Variants in CREB1 observed in about 807,000 individuals in gnomAD.
CREB1 encodes cyclic AMP-responsive element-binding protein 1.
Under a neutral mutation model 42.0 loss-of-function variants are expected in CREB1, and 2 were observed. That is an observed-to-expected ratio of 0.05 (90% CI 0.02 to 0.15). The LOEUF (loss-of-function observed/expected upper bound fraction) is 0.15, where lower values mean the gene tolerates loss of function less well. CREB1 is among the 10% of genes least tolerant of loss of function. The pLI, the probability that CREB1 is intolerant of heterozygous loss-of-function variation, is 1.00. For missense variants in CREB1, 199 were observed against 388.9 expected (o/e 0.51, Z 4.11); for synonymous variants, 123 against 139.9 (o/e 0.88, Z 0.85).
intron 3 of CREB1, among the ~76,000 whole-genome samples, chr2:207,563,420 A>T (rs2082025504): frequency 6.6e-6 from 1 of 152,232 alleles, no homozygotes; most frequent in Non-Finnish European, 1.5e-5. Flanking sequence ...TCCTATTAAC[A>T]TGGAATAAAC....
intron 1 of CREB1, among the ~76,000 whole-genome samples, chr2:207,548,246 A>T (rs148792584): frequency 1.3e-5 from 2 of 152,236 alleles, no homozygotes; most frequent in African/African-American, 4.8e-5. Flanking sequence ...TTTCTAACAC[A>T]CTTCTGTTAA....
intron 2 of CREB1, chr2:207,559,161 C>A: frequency 5.3e-6 from 1 of 189,570 alleles, no homozygotes; most frequent in Non-Finnish European, 9.8e-6. Context: ...ACCATTGGTG[C>A]TGAGCTGCTG....
intron 7 of CREB1, chr2:207,581,351 C>T: frequency 5.0e-6 from 1 of 199,392 alleles, no homozygotes; most frequent in Middle Eastern, 1.7e-3. Context: ...TACAACTAGC[C>T]ATTAAGAGTA....
intron 1 of CREB1, among the ~76,000 whole-genome samples, chr2:207,548,498 C>T (rs1247959325): frequency 1.3e-5 from 2 of 152,098 alleles, no homozygotes; most frequent in African/African-American, 4.8e-5. Context: ...CACCTGTAAT[C>T]CCAGCACTTT....
At chr2:207,544,743 G>A (rs1196446221) in intron 1 of CREB1, among the ~76,000 whole-genome samples, 1 of 151,908 alleles carries the variant, frequency 6.6e-6, no homozygotes, top group African/African-American at 2.4e-5. Context: ...AGGCCCCAGT[G>A]TGTGTTGTCC....
chr2:207,538,956 A>C (rs1249284611), intron 1 of CREB1, among the ~76,000 whole-genome samples: 1 of 152,172 alleles, frequency 6.6e-6, no homozygotes, highest in Non-Finnish European at 1.5e-5. Context: ...TGTTGGTATA[A>C]GTAAGTAGTT....
chr2:207,604,518 A>G lies in CREB1; in HGVS notation c.*7460A>G, dbSNP rs1321485518. On this transcript the variant is annotated 3_prime_UTR_variant, in exon 8 of 8. Transcript: ENST00000353267. ...TTCTTAAGTGCAGTGACCAAACCGG[A>G]TGAGAATTCTAACACGGGCCTGACA... Among the ~76,000 whole-genome samples the G allele has an allele frequency of 1.3e-5, 2 of 152,176 alleles. No homozygotes were observed. Among genetic ancestry groups the G allele is most frequent in the African/African-American group, 4.8e-5 (2 of 41,444 alleles).
chr2:207,561,198 TAGAA>T (rs771338448), intron 3 of CREB1: 14 of 1,534,226 alleles, frequency 9.1e-6, no homozygotes, highest in Non-Finnish European at 1.1e-5. Flanking sequence ...GAACTATTAT[TAGAA>T]AGGAAGGTGA....
At chr2:207,552,641 T>C (rs1339580304) in intron 1 of CREB1, among the ~76,000 whole-genome samples, 1 of 150,832 alleles carries the variant, frequency 6.6e-6, no homozygotes, top group Non-Finnish European at 1.5e-5. Flanking sequence ...AGTCTTGCTC[T>C]GTCACCCAGG....
chr2:207,575,397 G>A lies in CREB1; in HGVS notation c.631G>A (p.Ala211Thr). 6.2e-7 allele frequency: 1 copy of A among 1,613,960 alleles called. No individual in the cohort carries two copies. Among genetic ancestry groups the A allele is most frequent in the East Asian group, 2.2e-5 (1 of 44,882 alleles). Residue 211 changes from alanine (A) to threonine (T), a missense_variant, in exon 6 of 8, where the codon GCA (alanine) becomes ACA (threonine). By Grantham distance (58) the Ala-to-Thr change is moderately conservative. Around this residue, in one of 4 missense-constraint regions of CREB1, gnomAD observed 66 missense variants for 88.1 expected, o/e 0.75. Transcript: ENST00000353267. ...TQPGTTILQY[A>T]QTTDGQQILV... is the part of the protein sequence containing the mutation. ...GCCGGGTACTACCATTCTACAGTAT[G>A]CACAGACCACTGATGGACAGCAGAT...
intron 5 of CREB1, among the ~76,000 whole-genome samples, chr2:207,572,869 C>G (rs2082426566): frequency 6.6e-6 from 1 of 152,040 alleles, no homozygotes; most frequent in African/African-American, 2.4e-5. Flanking sequence ...CGCAAGTACC[C>G]TTCCAGGTGG....
chr2:207,594,766 T>C (rs2085778041), intron 7 of CREB1, among the ~76,000 whole-genome samples: 1 of 152,076 alleles, frequency 6.6e-6, no homozygotes, highest in Non-Finnish European at 1.5e-5. Flanking sequence ...TATGGTAAAT[T>C]TTGTTCTTAA....
In CREB1 at chr2:207,605,967, T is replaced by A. The variant is rs2088025222; in HGVS notation, c.*8909T>A. Among the ~76,000 whole-genome samples the A allele has an allele frequency of 1.3e-5, 2 of 152,350 alleles. No homozygotes were observed. The highest frequency in any genetic ancestry group is 4.1e-4 in the South Asian group (2 of 4,834). On this transcript the variant is annotated 3_prime_UTR_variant, in exon 8 of 8. Coordinates refer to ENST00000353267, the MANE Select transcript of CREB1 (RefSeq NM_004379.5). ...ACAGTCTAGGCATTTTTTTCTGGAA[T>A]TAAAATTAGAAGTGGCACAGACTTT...
intron 7 of CREB1, among the ~76,000 whole-genome samples, chr2:207,592,552 C>A (rs943004770): frequency 2.0e-5 from 3 of 152,082 alleles, no homozygotes; most frequent in East Asian, 3.8e-4. Flanking sequence ...CCCTCTCTTC[C>A]CTCCTTCCTC....
At chr2:207,533,530 T>A (rs748177060) in intron 1 of CREB1, among the ~76,000 whole-genome samples, 14 of 152,236 alleles carry the variant, frequency 9.2e-5, no homozygotes, top group Non-Finnish European at 1.8e-4. Context: ...TATAATTTCA[T>A]TTATTCCATA....
At position 207,602,273 on chromosome 2, in the gene CREB1, G is replaced by A. The variant is rs1404089195; in HGVS notation, c.*5215G>A. On this transcript the variant is annotated 3_prime_UTR_variant, in exon 8 of 8. Coordinates refer to ENST00000353267, the MANE Select transcript of CREB1 (RefSeq NM_004379.5). ...TATATAAATAAAATAGAACAAAGCCGGTGATGCAAGTTGATATTATAAACA... is the reference window on the plus strand; with the variant it reads ...TATATAAATAAAATAGAACAAAGCCAGTGATGCAAGTTGATATTATAAACA... 5.8e-5 allele frequency: 11 copies of A among 189,698 alleles called. No individual in the cohort carries two copies. Among genetic ancestry groups the A allele is most frequent in the Middle Eastern group, 1.9e-3 (1 of 528 alleles). The allele number at this position is 189,698 out of a possible 1,614,324, so 11.8% of individuals were successfully genotyped here.
intron 1 of CREB1, among the ~76,000 whole-genome samples, chr2:207,531,223 T>C (rs2080612403): frequency 6.6e-6 from 1 of 152,148 alleles, no homozygotes; most frequent in Admixed American, 6.5e-5. Flanking sequence ...GGGTGCAACC[T>C]TGCCAACCGC....
chr2:207,572,527 T>A (rs1337161687), intron 5 of CREB1, among the ~76,000 whole-genome samples: 1 of 152,220 alleles, frequency 6.6e-6, no homozygotes, highest in Non-Finnish European at 1.5e-5. Flanking sequence ...ATACAGCACT[T>A]ATTTAAACAT....
At chr2:207,591,515 C>T (rs2085023097) in intron 7 of CREB1, among the ~76,000 whole-genome samples, 1 of 152,162 alleles carries the variant, frequency 6.6e-6, no homozygotes. Context: ...TCACTGCAAC[C>T]TCCACCTCCC....
Sources: allele counts gnomAD v4.1 joint callset (sites outside exome capture counted in the v4.1 genomes callset), GRCh38; gene constraint gnomAD v4.1.1; regional missense constraint gnomAD v4.1.1; transcripts MANE v1.5; gene names NCBI Gene and HGNC (gene_info 2026-07-23, HGNC 2026-07-21).